The following LPIN1 variants were observed in gnomAD, a reference collection of about 807,000 sequenced individuals.
The protein encoded by LPIN1 is phosphatidate phosphatase LPIN1.
Under a neutral mutation model 107.5 loss-of-function variants are expected in LPIN1, and 71 were observed. The observed-to-expected ratio is 0.66, with a 90% confidence interval of 0.55 to 0.80. LPIN1 has a LOEUF of 0.80. Among genes scored for constraint, LPIN1 ranks in the 30% least tolerant of loss-of-function variants. LPIN1 has a pLI of 0.00. For synonymous variants in LPIN1, 445 were observed against 452.6 expected, an observed-to-expected ratio of 0.98 and a Z score of 0.21; for missense variants, 1,043 against 1,160.6, an observed-to-expected ratio of 0.90 and a Z score of 1.47.
chr2:11,778,870 G>A (rs1673083216), intron 6 of LPIN1, among the ~76,000 whole-genome samples: 1 of 152,188 alleles, frequency 6.6e-6, no homozygotes, highest in African/African-American at 2.4e-5. Context: ...GAAACATGGA[G>A]GTGGTTACTG....
chr2:11,733,286 C>A (rs747904315), intron 1 of LPIN1, among the ~76,000 whole-genome samples: 4 of 152,078 alleles, frequency 2.6e-5, no homozygotes, highest in Non-Finnish European at 5.9e-5. Flanking sequence ...TTGCTATGTT[C>A]CCAGGAATGT....
At chr2:11,713,513 T>C (rs1238635017) in intron 1 of LPIN1, among the ~76,000 whole-genome samples, 1 of 152,216 alleles carries the variant, frequency 6.6e-6, no homozygotes, top group Admixed American at 6.5e-5. Flanking sequence ...TCAGGTGATC[T>C]GCCTGCTTTG....
Position 11,702,010 on chromosome 2 carries a change from T to C in LPIN1, c.82-11746T>C, listed in dbSNP as rs142764389. ...GCCTTCTGGTCTTGTGGCTGTCGGA[T>C]GCCAAGTGTCTTAAGAGTACTAGAG... On this transcript the variant is annotated intron_variant, in intron 1 of 21. Coordinates refer to the LPIN1 transcript ENST00000449576. Among the ~76,000 whole-genome samples, 811 of 152,348 alleles carry C rather than the reference T, an allele frequency of 5.3e-3. 4 individuals carry two copies. The highest frequency in any genetic ancestry group is 0.018 in the African/African-American group (768 of 41,578).
intron 1 of LPIN1, among the ~76,000 whole-genome samples, chr2:11,693,898 G>A (rs55676775): frequency 0.14 from 17,184 of 125,648 alleles, 3,331 homozygotes; most frequent in African/African-American, 0.44. Flanking sequence ...GCAATAGCAA[G>A]ATCCCGGCTC....
At chr2:11,724,218 C>T (rs1664373390), upstream of LPIN1, 1 of 530,956 alleles carries the variant, frequency 1.9e-6, no homozygotes, top group Admixed American at 6.3e-5. Context: ...ACCTGGCTCA[C>T]TCCTCTTCAT....
chr2:11,821,157 G>C (rs1395367077), intron 20 of LPIN1, among the ~76,000 whole-genome samples: 1 of 152,106 alleles, frequency 6.6e-6, no homozygotes, highest in African/African-American at 2.4e-5. Flanking sequence ...GCCGACCCTT[G>C]TCTTCCTGCC....
chr2:11,764,851 G>T (rs1428032247), intron 1 of LPIN1, among the ~76,000 whole-genome samples: 1 of 152,238 alleles, frequency 6.6e-6, no homozygotes, highest in Non-Finnish European at 1.5e-5. Context: ...GACAGAAGAA[G>T]GGGCAGGTGG....
rs377285807 is a variant in LPIN1, at chr2:11,766,734, C to A, written c.192+1001C>A. ...CACATTCTCCCTAGGTGGGCCAGGA[C>A]CAGTTCCTGGGCTCTTATCAGGCAA... is the stretch of plus-strand genomic sequence containing the variant. On this transcript the variant is annotated intron_variant, in intron 2 of 20. Transcript: ENST00000674199. Among the ~76,000 whole-genome samples, 10 of 151,582 alleles carry A rather than the reference C, an allele frequency of 6.6e-5. No homozygotes were observed. In the East Asian group the frequency reaches 1.4e-3, roughly 20 times the overall value.
intron 1 of LPIN1, among the ~76,000 whole-genome samples, chr2:11,755,739 T>G (rs974593053): frequency 6.6e-6 from 1 of 151,304 alleles, no homozygotes; most frequent in Non-Finnish European, 1.5e-5. Flanking sequence ...TTTTTTTTTT[T>G]GAGACAGAGT....
Position 11,791,994 on chromosome 2 carries a change from C to T in LPIN1, c.1794C>T (p.Thr598=). 6.2e-7 allele frequency: 1 copy of T among 1,613,686 alleles called. No homozygotes were observed. The highest frequency in any genetic ancestry group is 8.5e-7 in the Non-Finnish European group (1 of 1,179,726). Residue 598 remains threonine, a synonymous_variant, in exon 13 of 21, where the codon ACC becomes ACT. Coordinates refer to ENST00000674199, the MANE Select transcript of LPIN1 (RefSeq NM_001349206.2). ...RWWFSWRGRN[T]TIKEESKPEQ... ...GGTTTTCATGGAGGGGAAGAAACAC[C>T]ACAATCAAGGAGGTAAGCCCAGAAG...
intron 2 of LPIN1, among the ~76,000 whole-genome samples, chr2:11,714,087 G>A (rs1663573258): frequency 6.6e-6 from 1 of 152,232 alleles, no homozygotes; most frequent in South Asian, 2.1e-4. Flanking sequence ...TCACCTCCCT[G>A]ATTAAAAAGC....
At chr2:11,684,746 C>G (rs368919479) in intron 1 of LPIN1, among the ~76,000 whole-genome samples, 6 of 151,878 alleles carry the variant, frequency 4.0e-5, no homozygotes, top group African/African-American at 1.5e-4. Flanking sequence ...TCCCTCCCTC[C>G]CTTCCTTCCA....
intron 1 of LPIN1, among the ~76,000 whole-genome samples, chr2:11,763,985 G>GTA (rs1187435878): frequency 1.4e-4 from 21 of 146,104 alleles, no homozygotes; most frequent in African/African-American, 5.0e-4. Flanking sequence ...GTGTGTGTGT[G>GTA]TGTATATATA....
chr2:11,696,904 C>T (rs1026884059), intron 1 of LPIN1, among the ~76,000 whole-genome samples: 6 of 152,232 alleles, frequency 3.9e-5, no homozygotes, highest in African/African-American at 1.4e-4. Context: ...CCCAGGTGTG[C>T]CTCCCCTGGC....
chr2:11,756,728 G>A (rs1572603962), intron 1 of LPIN1, among the ~76,000 whole-genome samples: 1 of 152,306 alleles, frequency 6.6e-6, no homozygotes, highest in Non-Finnish European at 1.5e-5. Flanking sequence ...TGTTCGAGTT[G>A]AGTATGCTAT....
At chr2:11,770,911 T>C (rs889450829) in intron 3 of LPIN1, among the ~76,000 whole-genome samples, 2 of 150,724 alleles carry the variant, frequency 1.3e-5, no homozygotes, top group African/African-American at 5.0e-5. Context: ...ATTATCTTAA[T>C]TCATTGCATA....
At chr2:11,701,265 A>T (rs2148516113) in intron 1 of LPIN1, among the ~76,000 whole-genome samples, 1 of 152,234 alleles carries the variant, frequency 6.6e-6, no homozygotes, top group Admixed American at 6.5e-5. Context: ...TGGATTACAG[A>T]TACTAGTTTC....
intron 1 of LPIN1, chr2:11,682,493 CT>C (rs1382877413): frequency 1.3e-5 from 2 of 152,580 alleles, no homozygotes; most frequent in African/African-American, 4.8e-5. Flanking sequence ...CCTAGTCATC[CT>C]TCAAGGCCCA....
In LPIN1 at chr2:11,805,052, C is replaced by G; in HGVS notation, c.2163-18C>G. 6.7e-7 allele frequency: 1 copy of G among 1,502,146 alleles called. No homozygotes were observed. The allele number at this position is 1,502,146 out of a possible 1,614,324, so 93.1% of individuals were successfully genotyped here. On this transcript the variant is annotated intron_variant, in intron 16 of 20. Transcript: ENST00000674199. Reference sequence around the variant, plus strand: ...AAAGGGATTTTTACTTTATTTTTCTCTTTTCCTCTTCATTTAGATCAGATA... The same window carrying G: ...AAAGGGATTTTTACTTTATTTTTCTGTTTTCCTCTTCATTTAGATCAGATA...
Sources: gnomAD v4.1 joint callset for allele counts (sites outside exome capture counted in the v4.1 genomes callset) on GRCh38, gnomAD v4.1.1 for gene constraint, MANE v1.5 for transcripts, NCBI Gene and HGNC (gene_info 2026-07-23, HGNC 2026-07-21) for gene names.